The following CYFIP2 variants were observed in gnomAD, a reference collection of about 807,000 sequenced individuals.
CYFIP2 encodes the protein cytoplasmic FMR1-interacting protein 2.
Under a neutral mutation model 158.7 loss-of-function variants are expected in CYFIP2, and 29 were observed. The observed-to-expected ratio is 0.18, with a 90% CI of 0.14 to 0.25. CYFIP2 has a LOEUF of 0.25. Ranked by LOEUF, CYFIP2 falls within the 10% of genes least tolerant of loss-of-function variation. The pLI is 1.00. For missense variants in CYFIP2, 852 were observed against 1,639.5 expected, an observed-to-expected ratio of 0.52 and a Z score of 8.29; for synonymous variants, 585 against 617.6, an observed-to-expected ratio of 0.95 and a Z score of 0.78.
chr5:157,387,528 G>A (rs963055185), intron 28 of CYFIP2, among the ~76,000 whole-genome samples: 1 of 152,208 alleles, frequency 6.6e-6, no homozygotes, highest in Non-Finnish European at 1.5e-5. Context: ...TTCATGGCTT[G>A]AGAACAAATT....
intron 30 of CYFIP2, 23 bp downstream of exon 30, chr5:157,390,691 C>T: frequency 6.3e-7 from 1 of 1,575,584 alleles, no homozygotes; most frequent in Admixed American, 1.9e-5. Context: ...GTGGCTAAGG[C>T]CTGGGAGGTG....
At chr5:157,303,112 CA>C in intron 7 of CYFIP2, 1 of 492,962 alleles carries the variant, frequency 2.0e-6, no homozygotes, top group South Asian at 2.7e-5. Context: ...GAAGCCCTCT[CA>C]GCCAGTGCTC....
intron 18 of CYFIP2, among the ~76,000 whole-genome samples, chr5:157,327,244 G>A (rs746983603): frequency 2.0e-5 from 3 of 152,154 alleles, no homozygotes; most frequent in Non-Finnish European, 2.9e-5. Flanking sequence ...GAAGGAAGGC[G>A]CTTTTAAATG....
chr5:157,369,888 T>TTTTTG (rs1561774829), intron 26 of CYFIP2, among the ~76,000 whole-genome samples: 6 of 149,272 alleles, frequency 4.0e-5, no homozygotes, highest in Non-Finnish European at 7.4e-5. Context: ...AGTTTTTTTT[T>TTTTTG]TTTTTTTTTT....
chr5:157,379,668 C>CA (rs70984468), intron 26 of CYFIP2, among the ~76,000 whole-genome samples: 3,755 of 73,428 alleles, frequency 0.051, 249 homozygotes, highest in African/African-American at 0.055. Context: ...GACCCTGTCT[C>CA]AAAAAAAAAA....
chr5:157,330,638 A>T, intron 19 of CYFIP2, 104 bp from the exon 20 acceptor site: 1 of 831,774 alleles, frequency 1.2e-6, no homozygotes, highest in South Asian at 1.6e-5. Flanking sequence ...TATATAAGAT[A>T]GTGCTCTGTG....
intron 26 of CYFIP2, among the ~76,000 whole-genome samples, chr5:157,362,195 G>T (rs1159144954): frequency 6.6e-6 from 1 of 152,198 alleles, no homozygotes; most frequent in Admixed American, 6.5e-5. Flanking sequence ...CAGCAGAAAA[G>T]AATGTTAGCT....
chr5:157,319,463 GA>G (rs1483385963), intron 13 of CYFIP2, among the ~76,000 whole-genome samples: 1 of 152,226 alleles, frequency 6.6e-6, no homozygotes, highest in East Asian at 1.9e-4. Flanking sequence ...TGTCAGCAGT[GA>G]ACAACAAAAT....
At chr5:157,304,594 C>T (rs540414895) in intron 8 of CYFIP2, 1 of 418,752 alleles carries the variant, frequency 2.4e-6, no homozygotes, top group Admixed American at 4.0e-5. Context: ...TAATGACTGC[C>T]AAGTATTCTG....
Position 157,311,705 on chromosome 5 carries a change from T to C in CYFIP2, c.1034T>C (p.Ile345Thr). The change falls in exon 11 of 31, where the codon ATC (isoleucine) becomes ACC (threonine). Residue 345 changes from isoleucine (I) to threonine (T), a missense_variant. Ile to Thr is a moderately conservative substitution (Grantham distance 89, BLOSUM62 -1). Transcript: ENST00000620254. This position sits in a 1 kb window ranked among gnomAD's most constrained non-coding sequence, Gnocchi z 4.7. ...AGCAGCATCAGCCCCCAGTACAATATCTGCGAGCAGATGGTTCAGATCCGG... is the reference window on the plus strand; with the variant it reads ...AGCAGCATCAGCCCCCAGTACAATACCTGCGAGCAGATGGTTCAGATCCGG... ...TQSSISPQYN[I>T]CEQMVQIRDD... is the part of the protein sequence containing the mutation. The C allele has an allele frequency of 6.2e-7, 1 of 1,611,008 alleles. No homozygotes were observed.
At chr5:157,329,501 A>G (rs1176865621) in intron 19 of CYFIP2, among the ~76,000 whole-genome samples, 2 of 152,262 alleles carry the variant, frequency 1.3e-5, no homozygotes, top group African/African-American at 4.8e-5. Context: ...GAAAACCATG[A>G]GCTAGGTCAG....
chr5:157,345,180 G>T (rs566345794), intron 23 of CYFIP2, among the ~76,000 whole-genome samples: 1 of 152,038 alleles, frequency 6.6e-6, no homozygotes, highest in Non-Finnish European at 1.5e-5. Flanking sequence ...ATACACTTTC[G>T]ACCACGATGA....
intron 26 of CYFIP2, among the ~76,000 whole-genome samples, chr5:157,379,006 C>CA (rs973693189): frequency 1.4e-4 from 22 of 152,114 alleles, no homozygotes; most frequent in Non-Finnish European, 2.9e-4. Context: ...TACTTGGCTC[C>CA]ACTGCACCTC....
intron 1 of CYFIP2, among the ~76,000 whole-genome samples, chr5:157,280,328 C>G (rs1307140098): frequency 1.3e-5 from 2 of 150,302 alleles, no homozygotes; most frequent in Non-Finnish European, 2.9e-5. Context: ...TCCTGAGTAG[C>G]TGGGATTACA....
chr5:157,270,160 C>G (rs1169734766), intron 1 of CYFIP2, among the ~76,000 whole-genome samples: 1 of 152,124 alleles, frequency 6.6e-6, no homozygotes, highest in Non-Finnish European at 1.5e-5. Flanking sequence ...TGAGAAAGAC[C>G]CAGTGATGAC....
At chr5:157,325,966 G>A in intron 17 of CYFIP2, 1 of 567,170 alleles carries the variant, frequency 1.8e-6, no homozygotes, top group Non-Finnish European at 3.1e-6. Context: ...ACAAGTCTTG[G>A]TTTTATTTGC....
intron 13 of CYFIP2, among the ~76,000 whole-genome samples, chr5:157,315,702 A>G (rs1760086529): frequency 6.6e-6 from 1 of 152,248 alleles, no homozygotes; most frequent in Admixed American, 6.5e-5. Context: ...AGTGTTGTTT[A>G]TAATACCAAA....
rs766530599 is a variant in CYFIP2, at chr5:157,311,034, G to T, written c.993-630G>T. ...TCCTAATGACATCTTTTCACAAGGC[G>T]TGGAAAAAAGGCGGAGGGAAGGAGG... On this transcript the variant is annotated intron_variant, in intron 10 of 30. Transcript: ENST00000620254. The surrounding 1 kb of genome is among the most constrained non-coding windows in gnomAD (Gnocchi z 4.7). The T allele has an allele frequency of 1.1e-5, 5 of 454,696 alleles. No individual in the cohort carries two copies. Among genetic ancestry groups the T allele is most frequent in the African/African-American group, 6.0e-5 (3 of 49,604 alleles). 28.2% of individuals were successfully genotyped at this position (454,696 alleles called of 1,614,324 possible).
At chr5:157,300,970 G>C (rs1758696935) in intron 6 of CYFIP2, 74 bp downstream of exon 6, 1 of 1,350,452 alleles carries the variant, frequency 7.4e-7, no homozygotes. Context: ...AGTGGAGGAA[G>C]AGAATGGAGC....
Sources: allele counts gnomAD v4.1 joint callset (sites outside exome capture counted in the v4.1 genomes callset), GRCh38; gene constraint gnomAD v4.1.1; non-coding constraint Gnocchi (gnomAD v3.1); transcripts MANE v1.5; gene names NCBI Gene and HGNC (gene_info 2026-07-23, HGNC 2026-07-21).